APBB2: variants seen among roughly 807,000 people sequenced by gnomAD.
The protein encoded by APBB2 is Fe65-like 1.
APBB2 carries 38 observed loss-of-function variants against 82.5 expected under a neutral mutation model. That is an observed-to-expected ratio of 0.46 (90% CI 0.36 to 0.60). The LOEUF (loss-of-function observed/expected upper bound fraction) is 0.60. Among genes scored for constraint, APBB2 ranks in the 20% least tolerant of loss-of-function variants. APBB2 has a pLI of 0.00. For missense variants in APBB2, 772 were observed against 972.3 expected (o/e 0.79, Z 2.74); for synonymous variants, 341 against 368.2 (o/e 0.93, Z 0.85).
At chr4:40,957,585 CTTTT>C (rs34411160) in intron 6 of APBB2, among the ~76,000 whole-genome samples, 5 of 142,524 alleles carry the variant, frequency 3.5e-5, no homozygotes, top group African/African-American at 2.6e-5. Flanking sequence ...CCTCATATTC[CTTTT>C]TTTTTTTTTT....
chr4:40,892,279 G>A (rs1174759934), intron 11 of APBB2: 1 of 152,270 alleles, frequency 6.6e-6, no homozygotes, highest in Non-Finnish European at 1.5e-5. Context: ...GGGAGATAAT[G>A]CGGTGAGAGA....
intron 5 of APBB2, among the ~76,000 whole-genome samples, chr4:41,021,233 T>A (rs1450538919): frequency 2.0e-5 from 3 of 152,126 alleles, no homozygotes; most frequent in Non-Finnish European, 2.9e-5. Flanking sequence ...AGAGTTCCCC[T>A]CTGGAGGACA....
At chr4:40,944,553 C>T (rs1483017654) in intron 7 of APBB2, among the ~76,000 whole-genome samples, 4 of 152,156 alleles carry the variant, frequency 2.6e-5, no homozygotes, top group Non-Finnish European at 5.9e-5. Context: ...TGCAATGGTA[C>T]CTGCAGAGTA....
At chr4:40,913,860 A>C (rs1779175287) in intron 10 of APBB2, among the ~76,000 whole-genome samples, 1 of 152,110 alleles carries the variant, frequency 6.6e-6, no homozygotes, top group Non-Finnish European at 1.5e-5. Context: ...TTATGGAGAA[A>C]TACTTATGTT....
At chr4:40,842,904 G>A (rs1183809126) in intron 12 of APBB2, among the ~76,000 whole-genome samples, 1 of 152,188 alleles carries the variant, frequency 6.6e-6, no homozygotes, top group Admixed American at 6.5e-5. Context: ...AGGGCGGGTG[G>A]GAAGTGGGAG....
intron 6 of APBB2, among the ~76,000 whole-genome samples, chr4:40,997,986 A>T (rs7690956): frequency 0.062 from 9,428 of 152,270 alleles, 978 homozygotes; most frequent in African/African-American, 0.22. Context: ...TACCTCATTT[A>T]CGTGAAAGAA....
chr4:41,169,772 G>A (rs987862274), intron 1 of APBB2, among the ~76,000 whole-genome samples: 2 of 151,896 alleles, frequency 1.3e-5, no homozygotes, highest in Admixed American at 1.3e-4. Context: ...CTAAAATGTA[G>A]CTGATTTATT....
chr4:41,155,265 G>T (rs1193867199), intron 1 of APBB2, among the ~76,000 whole-genome samples: 1 of 151,948 alleles, frequency 6.6e-6, no homozygotes, highest in Admixed American at 6.6e-5. Flanking sequence ...TTTTGTTTTT[G>T]TTTTATCAGA....
intron 12 of APBB2, among the ~76,000 whole-genome samples, chr4:40,853,457 C>T (rs956852916): frequency 1.8e-4 from 27 of 146,274 alleles, no homozygotes; most frequent in African/African-American, 6.5e-4. Flanking sequence ...TGCTTTCCTT[C>T]TTTTTTTTTT....
intron 4 of APBB2, among the ~76,000 whole-genome samples, chr4:41,048,821 C>T (rs1579548930): frequency 6.6e-6 from 1 of 152,168 alleles, no homozygotes; most frequent in African/African-American, 2.4e-5. Flanking sequence ...TGCAGGCGCG[C>T]GCTGCCACGC....
At chr4:40,897,425 A>AGAG (rs1773970548) in intron 10 of APBB2, among the ~76,000 whole-genome samples, 1 of 152,142 alleles carries the variant, frequency 6.6e-6, no homozygotes, top group Non-Finnish European at 1.5e-5. Context: ...AATCGTGGCA[A>AGAG]AAGAATCGTT....
chr4:40,838,874 C>G (rs908866773), intron 12 of APBB2, among the ~76,000 whole-genome samples: 1 of 152,212 alleles, frequency 6.6e-6, no homozygotes. Context: ...GTGTTTACCT[C>G]TCTTCCAAAA....
intron 1 of APBB2, among the ~76,000 whole-genome samples, chr4:41,162,651 T>G (rs531444054): frequency 6.6e-6 from 1 of 152,206 alleles, no homozygotes; most frequent in South Asian, 2.1e-4. Flanking sequence ...CCCTGGAGTT[T>G]GAGACCAGCC....
Position 41,027,303 on chromosome 4 carries a change from G to A in APBB2, c.19+5933C>T, listed in dbSNP as rs538528002. ...GTGTACTCAGGAGTGGAACTGCTGA[G>A]TACAGTAACTTTTTTGTACATACAC... On this transcript the variant is annotated intron_variant, in intron 5 of 17. Transcript: ENST00000508593. 1.3e-3 allele frequency among the ~76,000 whole-genome samples: 198 copies of A among 149,410 alleles called. 2 individuals carry two copies. Among genetic ancestry groups the A allele is most frequent in the Non-Finnish European group, 2.2e-3 (148 of 67,414 alleles).
At chr4:40,933,470 G>A (rs1047194420) in intron 10 of APBB2, among the ~76,000 whole-genome samples, 45 of 152,140 alleles carry the variant, frequency 3.0e-4, no homozygotes, top group Non-Finnish European at 5.0e-4. Flanking sequence ...CTGGACTGCG[G>A]GTAGGCAAGA....
At chr4:41,052,105 T>C (rs1351855048) in intron 4 of APBB2, among the ~76,000 whole-genome samples, 1 of 152,128 alleles carries the variant, frequency 6.6e-6, no homozygotes, top group Non-Finnish European at 1.5e-5. Context: ...TGGTAGGTCA[T>C]GCCTGTAATC....
At chr4:40,909,225 T>C (rs2154361894) in intron 10 of APBB2, among the ~76,000 whole-genome samples, 1 of 152,346 alleles carries the variant, frequency 6.6e-6, no homozygotes, top group Non-Finnish European at 1.5e-5. Context: ...GGTTCAATCA[T>C]CAGCACGTTA....
At chr4:40,818,604 C>G (rs1746645452) in intron 17 of APBB2, among the ~76,000 whole-genome samples, 2 of 152,126 alleles carry the variant, frequency 1.3e-5, no homozygotes, top group African/African-American at 4.8e-5. Flanking sequence ...ACTCCCTGTA[C>G]CTGGTCAGTG....
intron 10 of APBB2, among the ~76,000 whole-genome samples, chr4:40,917,953 G>A (rs572121254): frequency 1.3e-4 from 20 of 152,192 alleles, no homozygotes; most frequent in Non-Finnish European, 2.2e-4. Flanking sequence ...AGAGACTCAG[G>A]TTTATTCTGT....
Sources: allele counts gnomAD v4.1 joint callset (sites outside exome capture counted in the v4.1 genomes callset), GRCh38; gene constraint gnomAD v4.1.1; transcripts MANE v1.5; gene names NCBI Gene and HGNC (gene_info 2026-07-23, HGNC 2026-07-21).